The following FRMD5 variants were observed in gnomAD, a reference collection of about 807,000 sequenced individuals.
FRMD5 encodes FERM domain-containing protein 5.
FRMD5 carries 20 observed loss-of-function variants against 69.0 expected under a neutral mutation model. The observed-to-expected ratio is 0.29, with a 90% confidence interval of 0.20 to 0.42. FRMD5 has a LOEUF of 0.42. FRMD5 is among the 10% of genes least tolerant of loss of function. The probability of loss-of-function intolerance (pLI) is 1.00; values close to 1 mark genes in which losing one functional copy is unlikely to be tolerated. For synonymous variants in FRMD5, 271 were observed against 260.1 expected, an observed-to-expected ratio of 1.04 and a Z score of -0.40; for missense variants, 595 against 708.6, an observed-to-expected ratio of 0.84 and a Z score of 1.82.
chr15:44,192,106 T>C (rs1224087589), intron 1 of FRMD5, among the ~76,000 whole-genome samples: 2 of 152,006 alleles, frequency 1.3e-5, no homozygotes, highest in East Asian at 3.8e-4. Flanking sequence ...TCTCATGGTC[T>C]ACAAATACAT....
intron 5 of FRMD5, 66 bp downstream of exon 5, chr15:43,909,816 C>G (rs12440402): frequency 0.074 from 69,545 of 940,004 alleles, 4,574 homozygotes; most frequent in African/African-American, 0.26. Flanking sequence ...GTCATCAGTG[C>G]TAACTGAAAA....
At chr15:44,161,244 A>G (rs555971825) in intron 1 of FRMD5, among the ~76,000 whole-genome samples, 2 of 152,276 alleles carry the variant, frequency 1.3e-5, no homozygotes, top group Non-Finnish European at 2.9e-5. Context: ...CTTATTCAAA[A>G]AAGTTCAACT....
chr15:44,130,534 TA>T (rs929088955), intron 1 of FRMD5, among the ~76,000 whole-genome samples: 1 of 152,224 alleles, frequency 6.6e-6, no homozygotes, highest in Non-Finnish European at 1.5e-5. Flanking sequence ...TTCAAAGTTC[TA>T]AAAAATGACT....
chr15:43,885,960 C>T (rs1282040229), intron 10 of FRMD5, among the ~76,000 whole-genome samples: 1 of 152,206 alleles, frequency 6.6e-6, no homozygotes. Context: ...CCAGGACTGT[C>T]AACATGGAAA....
intron 1 of FRMD5, among the ~76,000 whole-genome samples, chr15:44,138,417 C>G (rs1245224038): frequency 6.6e-6 from 1 of 152,030 alleles, no homozygotes; most frequent in Non-Finnish European, 1.5e-5. Flanking sequence ...AGAAATATCA[C>G]CTACCAAAAA....
At chr15:44,066,233 T>C (rs1020166264) in intron 1 of FRMD5, among the ~76,000 whole-genome samples, 1 of 152,198 alleles carries the variant, frequency 6.6e-6, no homozygotes, top group African/African-American at 2.4e-5. Flanking sequence ...ATTCAATAAA[T>C]CAATTCAAGA....
intron 13 of FRMD5, among the ~76,000 whole-genome samples, chr15:43,875,359 AAAAAAT>A (rs1350308394): frequency 1.9e-5 from 2 of 104,410 alleles, no homozygotes; most frequent in African/African-American, 7.2e-5. Context: ...AAAAAAAAAA[AAAAAAT>A]ATATATATAT....
Position 43,873,808 on chromosome 15 carries a change from G to C in FRMD5, c.*77C>G, listed in dbSNP as rs936947960. ...TTGGTATATGTGCCGATGGTTCCGC[G>C]ATGGGTCCCATTGCTGGGAATGGGT... On this transcript the variant is annotated 3_prime_UTR_variant, in exon 14 of 14. Transcript: ENST00000417257. 6.4e-7 allele frequency: 1 copy of C among 1,573,502 alleles called. No homozygotes were observed. The highest frequency in any genetic ancestry group is 8.6e-7 in the Non-Finnish European group (1 of 1,159,692).
intron 7 of FRMD5, among the ~76,000 whole-genome samples, chr15:43,897,849 A>G (rs1214915715): frequency 6.6e-6 from 1 of 152,108 alleles, no homozygotes; most frequent in East Asian, 1.9e-4. Flanking sequence ...CAGTTTCCCC[A>G]TGCTGTTCTC....
chr15:44,118,971 T>G (rs2076908957), intron 1 of FRMD5, among the ~76,000 whole-genome samples: 1 of 152,080 alleles, frequency 6.6e-6, no homozygotes, highest in South Asian at 2.1e-4. Flanking sequence ...TAAATTTAAC[T>G]TTTATTTTTT....
intron 13 of FRMD5, 107 bp from the exon 14 acceptor site, chr15:43,874,569 C>A (rs1192639336): frequency 2.6e-6 from 2 of 767,212 alleles, no homozygotes. Flanking sequence ...CCCACATGAC[C>A]AGCAGCAGTA....
chr15:43,921,495 G>A (rs570549809), intron 2 of FRMD5, among the ~76,000 whole-genome samples: 1 of 152,296 alleles, frequency 6.6e-6, no homozygotes, highest in South Asian at 2.1e-4. Flanking sequence ...GTAGCAAGGG[G>A]TGAGAAGGGA....
intron 13 of FRMD5, among the ~76,000 whole-genome samples, chr15:43,883,129 A>G (rs1329541119): frequency 1.3e-5 from 2 of 149,236 alleles, no homozygotes; most frequent in East Asian, 3.9e-4. Context: ...TTTTTTGGAC[A>G]GTCTCCTTTA....
intron 7 of FRMD5, among the ~76,000 whole-genome samples, chr15:43,893,421 G>C (rs1447123063): frequency 6.6e-6 from 1 of 152,160 alleles, no homozygotes; most frequent in Non-Finnish European, 1.5e-5. Flanking sequence ...AGAAGCTGTA[G>C]GTCTCGCTTC....
In FRMD5 at chr15:44,079,312, A is replaced by T. The variant is rs1264022949; in HGVS notation, c.102+115641T>A. ...GATATGGAGAAATTAGAATGCCTGC[A>T]CTTTCCTCGTGGGAATGTAAAATGG... is the stretch of plus-strand genomic sequence containing the variant. On this transcript the variant is annotated intron_variant, in intron 1 of 13. Coordinates refer to ENST00000417257, the MANE Select transcript of FRMD5 (RefSeq NM_032892.5). Among the ~76,000 whole-genome samples the T allele has an allele frequency of 2.0e-5, 3 of 152,164 alleles. No individual in the cohort carries two copies. The East Asian group carries it at 5.8e-4, about 29-fold the overall frequency.
At chr15:43,993,768 T>C (rs1445382744) in intron 1 of FRMD5, among the ~76,000 whole-genome samples, 1 of 152,232 alleles carries the variant, frequency 6.6e-6, no homozygotes, top group Non-Finnish European at 1.5e-5. Flanking sequence ...GCTCCAGTGT[T>C]GGTGCATCTA....
At chr15:44,156,630 T>G (rs374785596) in intron 1 of FRMD5, among the ~76,000 whole-genome samples, 2 of 152,204 alleles carry the variant, frequency 1.3e-5, no homozygotes, top group Admixed American at 1.3e-4. Context: ...TCTAAGAAAG[T>G]TGAGGAATAC....
chr15:44,080,506 G>A (rs571511512), intron 1 of FRMD5, among the ~76,000 whole-genome samples: 4 of 152,216 alleles, frequency 2.6e-5, no homozygotes, highest in Admixed American at 2.6e-4. Context: ...CTCAAAAGTT[G>A]ATGGGAGAGG....
intron 1 of FRMD5, among the ~76,000 whole-genome samples, chr15:43,999,931 A>G (rs1485755178): frequency 7.1e-6 from 1 of 140,974 alleles, no homozygotes; most frequent in African/African-American, 2.9e-5. Context: ...ATGTATATAT[A>G]TATATATATA....
Sources: allele counts gnomAD v4.1 joint callset (sites outside exome capture counted in the v4.1 genomes callset), GRCh38; gene constraint gnomAD v4.1.1; transcripts MANE v1.5; gene names NCBI Gene and HGNC (gene_info 2026-07-23, HGNC 2026-07-21).